The following PDS5A variants were observed in gnomAD, a reference collection of about 807,000 sequenced individuals.
PDS5A encodes sister chromatid cohesion protein PDS5 homolog A.
PDS5A carries 42 observed loss-of-function variants against 167.1 expected under a neutral mutation model. The observed-to-expected ratio is 0.25, with a 90% CI of 0.20 to 0.33. The LOEUF (loss-of-function observed/expected upper bound fraction) is 0.33. Ranked by LOEUF, PDS5A falls within the 10% of genes least tolerant of loss-of-function variation. The pLI, the probability that PDS5A is intolerant of heterozygous loss-of-function variation, is 1.00. For synonymous variants in PDS5A, 553 were observed against 554.6 expected, an observed-to-expected ratio of 1.00 and a Z score of 0.04; for missense variants, 1,033 against 1,605.9, an observed-to-expected ratio of 0.64 and a Z score of 6.10.
intron 30 of PDS5A, among the ~76,000 whole-genome samples, chr4:39,842,638 G>C (rs534165544): frequency 6.6e-6 from 1 of 152,032 alleles, no homozygotes; most frequent in African/African-American, 2.4e-5. Flanking sequence ...GTGTTCCTAA[G>C]AGTAGGGTCA....
At chr4:39,855,237 G>A (rs1718438962) in intron 26 of PDS5A, among the ~76,000 whole-genome samples, 1 of 152,162 alleles carries the variant, frequency 6.6e-6, no homozygotes, top group South Asian at 2.1e-4. Context: ...AGGGTCACAG[G>A]CTGACCATAA....
intron 2 of PDS5A, among the ~76,000 whole-genome samples, chr4:39,929,518 A>AATATATATATATAT (rs1725770084): frequency 4.4e-5 from 1 of 22,766 alleles, no homozygotes; most frequent in Admixed American, 7.0e-4. Context: ...TACTTAATAA[A>AATATATATATATAT]CTATATATAT....
chr4:39,865,760 CA>C (rs1719390191), intron 23 of PDS5A, among the ~76,000 whole-genome samples: 1 of 152,222 alleles, frequency 6.6e-6, no homozygotes, highest in African/African-American at 2.4e-5. Flanking sequence ...CTTGGCCTAC[CA>C]AAGTGCTGGG....
intron 31 of PDS5A, among the ~76,000 whole-genome samples, chr4:39,841,416 C>A (rs1717000396): frequency 6.6e-6 from 1 of 152,146 alleles, no homozygotes; most frequent in Non-Finnish European, 1.5e-5. Context: ...GGATTACAGG[C>A]ATGAGCCAAC....
chr4:39,927,849 GAA>G, intron 3 of PDS5A, 110 bp downstream of exon 3: 1 of 715,342 alleles, frequency 1.4e-6, no homozygotes, highest in Non-Finnish European at 2.3e-6. Flanking sequence ...TTCTTAAGAT[GAA>G]GAGACTAATA....
At chr4:39,879,701 A>G (rs751658154) in intron 18 of PDS5A, 27 bp downstream of exon 18, 2 of 1,384,334 alleles carry the variant, frequency 1.4e-6, no homozygotes, top group East Asian at 2.3e-5. Flanking sequence ...ACGGAAATAC[A>G]TGGCAACAAA....
intron 24 of PDS5A, 112 bp downstream of exon 24, chr4:39,863,224 T>C: frequency 2.2e-6 from 2 of 919,634 alleles, no homozygotes; most frequent in African/African-American, 1.7e-5. Flanking sequence ...CAGGTAATAA[T>C]AGTAGTGACT....
intron 2 of PDS5A, among the ~76,000 whole-genome samples, chr4:39,935,452 A>G (rs1339520525): frequency 6.6e-5 from 10 of 152,218 alleles, no homozygotes; most frequent in Non-Finnish European, 4.4e-5. Flanking sequence ...ATGTATGTCT[A>G]TATTCATTCT....
In PDS5A at chr4:39,824,710, T is replaced by G. The variant is rs1715125819; in HGVS notation, c.*775A>C. ...CACAGGAGTAAAAACCATTTTAAAG[T>G]GATATGCTTTATGAAACAAACAACA... is the stretch of plus-strand genomic sequence containing the variant. On this transcript the variant is annotated 3_prime_UTR_variant, in exon 33 of 33. Transcript: ENST00000303538. The G allele has an allele frequency of 6.6e-6, 1 of 152,628 alleles. No individual in the cohort carries two copies. Among genetic ancestry groups the G allele is most frequent in the Admixed American group, 6.6e-5 (1 of 15,262 alleles). The allele number at this position is 152,628 out of a possible 1,614,324, so 9.5% of individuals were successfully genotyped here.
At chr4:39,844,470 C>A (rs1219862134) in intron 30 of PDS5A, among the ~76,000 whole-genome samples, 186 bp downstream of exon 30, 9 of 93,990 alleles carry the variant, frequency 9.6e-5, no homozygotes, top group Admixed American at 7.9e-4. Flanking sequence ...AAGAGCGAGA[C>A]TTTGTCTCAA....
intron 26 of PDS5A, among the ~76,000 whole-genome samples, chr4:39,857,679 G>C (rs1410216319): frequency 6.6e-6 from 1 of 151,966 alleles, no homozygotes; most frequent in Non-Finnish European, 1.5e-5. Context: ...AGTGATAAAA[G>C]GTCAATCCAG....
intron 23 of PDS5A, among the ~76,000 whole-genome samples, chr4:39,864,583 C>A (rs529517254): frequency 6.6e-6 from 1 of 152,108 alleles, no homozygotes; most frequent in Non-Finnish European, 1.5e-5. Flanking sequence ...GAAAGCTAGC[C>A]GGAACCCACT....
chr4:39,951,857 G>A (rs148263029), intron 2 of PDS5A, among the ~76,000 whole-genome samples: 18,004 of 135,740 alleles, frequency 0.13, 1,240 homozygotes, highest in Middle Eastern at 0.22. Flanking sequence ...CCAAGATCGC[G>A]CCACTGCACT....
chr4:39,973,493 T>G, intron 2 of PDS5A: 1 of 1,336,748 alleles, frequency 7.5e-7, no homozygotes. Flanking sequence ...GATGATAGTA[T>G]TGATGATGAA....
intron 19 of PDS5A, among the ~76,000 whole-genome samples, chr4:39,875,698 A>T (rs2109580447): frequency 6.6e-6 from 1 of 152,294 alleles, no homozygotes; most frequent in Middle Eastern, 3.4e-3. Flanking sequence ...GTCCATGACC[A>T]AACAGACTTC....
At chr4:39,899,842 C>A (rs1179154546) in intron 14 of PDS5A, among the ~76,000 whole-genome samples, 1 of 129,126 alleles carries the variant, frequency 7.7e-6, no homozygotes, top group Non-Finnish European at 1.6e-5. Flanking sequence ...AGAGTAAGAT[C>A]CTGTGTATTA....
chr4:39,912,655 C>G (rs901506968), intron 9 of PDS5A, among the ~76,000 whole-genome samples: 10 of 152,102 alleles, frequency 6.6e-5, no homozygotes, highest in Non-Finnish European at 1.3e-4. Context: ...ACTAAAACAA[C>G]GGAGAATCTC....
At position 39,837,985 on chromosome 4, in the gene PDS5A, T is replaced by G; in HGVS notation, c.3881A>C (p.Lys1294Thr). 6.2e-7 allele frequency: 1 copy of G among 1,614,020 alleles called. No individual in the cohort carries two copies. Among genetic ancestry groups the G allele is most frequent in the Non-Finnish European group, 8.5e-7 (1 of 1,179,894 alleles). The change falls in exon 32 of 33, where the codon AAG (lysine) becomes ACG (threonine). Residue 1294 changes from lysine to threonine, a missense_variant. Lys to Thr is a moderately conservative substitution (Grantham distance 78). Around this residue, in one of 4 missense-constraint regions of PDS5A, gnomAD observed 233 missense variants for 264.0 expected, o/e 0.88. Transcript: ENST00000303538. ...ACCCACTGCAGCTCTCTTCCTTCCC[T>G]TGTTAATAGGTTTATTTAGATCATC... ...KNDDLNKPIN[K>T]GRKRAAVGQE...
At chr4:39,961,408 G>A (rs1729469876) in intron 2 of PDS5A, among the ~76,000 whole-genome samples, 1 of 151,998 alleles carries the variant, frequency 6.6e-6, no homozygotes, top group Non-Finnish European at 1.5e-5. Context: ...GGAGGCGCCC[G>A]CCACCATGCC....
Sources: gnomAD v4.1 joint callset for allele counts (sites outside exome capture counted in the v4.1 genomes callset) on GRCh38, gnomAD v4.1.1 for gene constraint, gnomAD v4.1.1 regional missense constraint, MANE v1.5 for transcripts, NCBI Gene and HGNC (gene_info 2026-07-23, HGNC 2026-07-21) for gene names.